CATSPERZ: variants seen among roughly 807,000 people sequenced by gnomAD.
The protein encoded by CATSPERZ is catsper channel auxiliary subunit zeta.
In CATSPERZ, 21 loss-of-function variants were observed where a neutral mutation model predicts 21.7. That is an observed-to-expected ratio of 0.97 (90% CI 0.69 to 1.39). The LOEUF (loss-of-function observed/expected upper bound fraction) is 1.39. Among genes scored for constraint, CATSPERZ ranks in the 40% most tolerant of loss-of-function variants. The pLI, the probability that CATSPERZ is intolerant of heterozygous loss-of-function variation, is 0.00. For missense variants in CATSPERZ, 234 were observed against 259.5 expected (o/e 0.90, Z 0.68); for synonymous variants, 127 against 108.7 (o/e 1.17, Z -1.05).
chr11:64,303,757 C>T lies in CATSPERZ; in HGVS notation c.433-16C>T, dbSNP rs1408559487. 6.3e-7 allele frequency: 1 copy of T among 1,589,648 alleles called. No individual in the cohort carries two copies. The highest frequency in any genetic ancestry group is 2.3e-5 in the East Asian group (1 of 43,674). The stretch of plus-strand genomic sequence containing the variant: ...ATGAAGTACCTGGACGCCTAAGCCT[C>T]TTGCTGCTTCTCCAGCTGCCACTGC... On this transcript the variant is annotated splice_polypyrimidine_tract_variant and intron_variant, in intron 3 of 4. Transcript: ENST00000328404.
At position 64,303,933 on chromosome 11, in the gene CATSPERZ, T is replaced by C. The variant is rs2034971497; in HGVS notation, c.499+94T>C. 3 of 1,280,342 alleles carry C rather than the reference T, an allele frequency of 2.3e-6. No homozygotes were observed. The Admixed American group carries it at 6.9e-5, about 29-fold the overall frequency. 79.3% of individuals were successfully genotyped at this position (1,280,342 alleles called of 1,614,324 possible). ...AGGGGGGTGGGGTTTCAGGGTGCCT[T>C]ATGTCTTGTCAGATGCCCTTGGCAC... On this transcript the variant is annotated intron_variant, in intron 4 of 4. Transcript: ENST00000328404.
chr11:64,302,316 TG>T (rs2034939508), intron 2 of CATSPERZ, among the ~76,000 whole-genome samples: 2 of 152,254 alleles, frequency 1.3e-5, no homozygotes, highest in Non-Finnish European at 2.9e-5. Flanking sequence ...GGTCTCACTC[TG>T]TCGCCCAGGC....
At chr11:64,303,584 G>A in intron 3 of CATSPERZ, 23 bp downstream of exon 3, 1 of 1,609,028 alleles carries the variant, frequency 6.2e-7, no homozygotes, top group Middle Eastern at 1.7e-4. Context: ...GGGGAGACTG[G>A]GCGTTTCGGT....
At chr11:64,301,028 A>G (rs2034916763) in intron 2 of CATSPERZ, 41 bp downstream of exon 2, 1 of 1,465,790 alleles carries the variant, frequency 6.8e-7, no homozygotes, top group Middle Eastern at 1.8e-4. Flanking sequence ...CCGCAGGGCA[A>G]TAAGCTGGCC....
At chr11:64,301,776 C>G (rs752069769) in intron 2 of CATSPERZ, among the ~76,000 whole-genome samples, 1 of 152,076 alleles carries the variant, frequency 6.6e-6, no homozygotes, top group Non-Finnish European at 1.5e-5. Context: ...AAGGTATCCT[C>G]CAACCTCAGC....
At position 64,303,512 on chromosome 11, in the gene CATSPERZ, T is replaced by C. The variant is rs1236233530; in HGVS notation, c.383T>C (p.Ile128Thr). Residue 128 changes from isoleucine (I) to threonine (T), a missense_variant, in exon 3 of 5, where the codon ATT becomes ACT. Transcript: ENST00000328404. Reference protein sequence around the residue: ...EKSSSMSSLNIAKHMPHRAYW... With the variant: ...EKSSSMSSLNTAKHMPHRAYW... ...TCTTCCTCAATGTCATCACTCAATA[T>C]TGCGAAGCACATGCCCCATCGAGCC... is the stretch of plus-strand genomic sequence containing the variant. The C allele has an allele frequency of 1.9e-6, 3 of 1,613,482 alleles. No homozygotes were observed. Among genetic ancestry groups the C allele is most frequent in the Non-Finnish European group, 2.5e-6 (3 of 1,179,726 alleles).
chr11:64,303,142 G>A (rs1028409760), intron 2 of CATSPERZ, among the ~76,000 whole-genome samples: 22 of 152,042 alleles, frequency 1.4e-4, no homozygotes, highest in Admixed American at 9.2e-4. Flanking sequence ...CTTGTGATCC[G>A]CCCACATTGG....
chr11:64,301,004 C>T lies in CATSPERZ; in HGVS notation c.352+17C>T. The T allele has an allele frequency of 6.6e-7, 1 of 1,504,270 alleles. No homozygotes were observed. Among genetic ancestry groups the T allele is most frequent in the Non-Finnish European group, 8.9e-7 (1 of 1,118,752 alleles). The allele number at this position is 1,504,270 out of a possible 1,614,324, so 93.2% of individuals were successfully genotyped here. A position where few individuals can be genotyped will look rare whatever the true frequency, so the allele number is the denominator to read the frequency against. ...TCGAGGCCGGTCAGTGTGGCCTCGCCAGGCCGTGGGCACCCGCAGGGCAAT... is the reference window on the plus strand; with the variant it reads ...TCGAGGCCGGTCAGTGTGGCCTCGCTAGGCCGTGGGCACCCGCAGGGCAAT... On this transcript the variant is annotated intron_variant, in intron 2 of 4. Coordinates refer to ENST00000328404, the MANE Select transcript of CATSPERZ (RefSeq NM_001039496.2).
Position 64,300,622 on chromosome 11 carries a change from C to A in CATSPERZ, c.22-35C>A, listed in dbSNP as rs369804601. 5.9e-6 allele frequency: 9 copies of A among 1,515,026 alleles called. No homozygotes were observed. The East Asian group carries it at 9.9e-5, about 17-fold the overall frequency. 93.8% of individuals were successfully genotyped at this position (1,515,026 alleles called of 1,614,324 possible). On this transcript the variant is annotated intron_variant, in intron 1 of 4. Coordinates refer to ENST00000328404, the MANE Select transcript of CATSPERZ (RefSeq NM_001039496.2). The stretch of plus-strand genomic sequence containing the variant: ...TCTTCCTTCCCGCTCCAGCCATCCG[C>A]GACCCTTGGCTCCCTCCTTGTATGT...
chr11:64,303,734 G>T, intron 3 of CATSPERZ, 39 bp from the exon 4 acceptor site: 1 of 1,566,760 alleles, frequency 6.4e-7, no homozygotes, highest in Non-Finnish European at 8.7e-7. Context: ...GGGCAGAGAT[G>T]AAGTACCTGG....
At chr11:64,303,920 T>C in intron 4 of CATSPERZ, 81 bp downstream of exon 4, 1 of 1,401,040 alleles carries the variant, frequency 7.1e-7, no homozygotes, top group Non-Finnish European at 9.8e-7. Context: ...GGGGGTGGGG[T>C]TTCAGGGTGC....
chr11:64,303,961 A>G (rs2034972246), intron 4 of CATSPERZ, 122 bp downstream of exon 4: 3 of 947,808 alleles, frequency 3.2e-6, no homozygotes, highest in Non-Finnish European at 4.8e-6. Flanking sequence ...CTTGGCACTC[A>G]CAAGTATTCC....
rs1230260942 is a variant in CATSPERZ at position 64,300,422 on chromosome 11, G to A, written c.12G>A (p.Lys4=). 1 of 1,475,098 alleles carries A rather than the reference G, an allele frequency of 6.8e-7. No individual in the cohort carries two copies. Among genetic ancestry groups the A allele is most frequent in the Non-Finnish European group, 9.2e-7 (1 of 1,092,658 alleles). 91.4% of individuals were successfully genotyped at this position (1,475,098 alleles called of 1,614,324 possible). MEE[K]PSKVSLKSSD... ...GTTGGGGCAGAACCATGGAGGAAAA[G>A]CCTTCGAAAGTAAGACGTCTCCCTA... The change falls in exon 1 of 5, where the codon AAG becomes AAA. Residue 4 remains lysine, a synonymous_variant. Transcript: ENST00000328404.
At chr11:64,303,643 G>A in intron 3 of CATSPERZ, 82 bp downstream of exon 3, 2 of 1,500,312 alleles carry the variant, frequency 1.3e-6, no homozygotes, top group Admixed American at 4.0e-5. Flanking sequence ...GAAAGTTGGG[G>A]GTGGTTGGCA....
chr11:64,301,571 A>G (rs1318203612), intron 2 of CATSPERZ, among the ~76,000 whole-genome samples: 1 of 151,840 alleles, frequency 6.6e-6, no homozygotes, highest in Non-Finnish European at 1.5e-5. Flanking sequence ...ACGGAGTTTC[A>G]CCATGTTGGC....
At position 64,303,650 on chromosome 11, in the gene CATSPERZ, G is replaced by T. The variant is rs893783268; in HGVS notation, c.432+89G>T. ...TAGGATATGAAAGTTGGGGGTGGTT[G>T]GCAGGGTGGAGGGGCAGGCAGGCTG... On this transcript the variant is annotated intron_variant, in intron 3 of 4. Transcript: ENST00000328404. The T allele has an allele frequency of 2.3e-5, 34 of 1,486,950 alleles. No homozygotes were observed. The African/African-American group carries it at 4.3e-4, about 19-fold the overall frequency. The allele number at this position is 1,486,950 out of a possible 1,614,324, so 92.1% of individuals were successfully genotyped here. A position where few individuals can be genotyped will look rare whatever the true frequency, so the allele number is the denominator to read the frequency against.
intron 2 of CATSPERZ, 36 bp downstream of exon 2, chr11:64,301,023 G>T: frequency 6.7e-7 from 1 of 1,481,532 alleles, no homozygotes; most frequent in Non-Finnish European, 9.1e-7. Flanking sequence ...GGCACCCGCA[G>T]GGCAATAAGC....
intron 4 of CATSPERZ, among the ~76,000 whole-genome samples, 153 bp downstream of exon 4, chr11:64,303,992 A>G (rs983186721): frequency 1.3e-5 from 2 of 152,002 alleles, no homozygotes; most frequent in African/African-American, 2.4e-5. Context: ...TAAAAGTTAA[A>G]AGCTGAGGGA....
In CATSPERZ at chr11:64,300,981, G is replaced by C. The variant is rs1275184526; in HGVS notation, c.346G>C (p.Glu116Gln). The part of the protein sequence containing the change: ...LGEKDTASQI[E>Q]AEKSSSMSSL... ...GGAGAAGGACACTGCATCCCAGATC[G>C]AGGCCGGTCAGTGTGGCCTCGCCAG... Residue 116 changes from glutamate to glutamine, a missense_variant, in exon 2 of 5, where the codon GAG becomes CAG. Transcript: ENST00000328404. 6.5e-7 allele frequency: 1 copy of C among 1,542,210 alleles called. No individual in the cohort carries two copies.
Sources: allele counts gnomAD v4.1 joint callset (sites outside exome capture counted in the v4.1 genomes callset), GRCh38; gene constraint gnomAD v4.1.1; transcripts MANE v1.5; gene names NCBI Gene and HGNC (gene_info 2026-07-23, HGNC 2026-07-21).